The following GDPD5 variants were observed in gnomAD, a reference collection of about 807,000 sequenced individuals.
GDPD5 encodes glycerophosphodiester phosphodiesterase domain containing 5.
In GDPD5, 48 loss-of-function variants were observed where a neutral mutation model predicts 75.1. The observed-to-expected ratio is 0.64, with a 90% CI of 0.51 to 0.81. GDPD5 has a LOEUF of 0.81. GDPD5 is among the 40% of genes least tolerant of loss of function. GDPD5 has a pLI of 0.00. For missense variants in GDPD5, 706 were observed against 822.6 expected (o/e 0.86, Z 1.73); for synonymous variants, 336 against 339.0 (o/e 0.99, Z 0.10).
At chr11:75,441,572 G>T in intron 13 of GDPD5, 74 bp downstream of exon 13, 3 of 1,329,242 alleles carry the variant, frequency 2.3e-6, no homozygotes, top group Non-Finnish European at 3.1e-6. Flanking sequence ...GTGTGTGTTG[G>T]GGGGTGGTGG....
intron 1 of GDPD5, among the ~76,000 whole-genome samples, chr11:75,522,027 T>A (rs1444001741): frequency 6.6e-6 from 1 of 152,090 alleles, no homozygotes. Context: ...GGCCCTCTCC[T>A]ATATGGGCAT....
At chr11:75,444,000 T>G (rs1255212986) in intron 10 of GDPD5, among the ~76,000 whole-genome samples, 2 of 152,180 alleles carry the variant, frequency 1.3e-5, no homozygotes, top group African/African-American at 4.8e-5. Context: ...TGTTATGAGA[T>G]TAGTATGGAT....
intron 1 of GDPD5, among the ~76,000 whole-genome samples, chr11:75,509,698 G>A (rs1950474963): frequency 6.6e-6 from 1 of 152,030 alleles, no homozygotes; most frequent in Admixed American, 6.6e-5. Flanking sequence ...TTTCTTTTTT[G>A]AGATGGAGTC....
At chr11:75,513,908 G>A (rs1321006121) in intron 1 of GDPD5, among the ~76,000 whole-genome samples, 1 of 152,226 alleles carries the variant, frequency 6.6e-6, no homozygotes, top group African/African-American at 2.4e-5. Flanking sequence ...GGTGCCATGG[G>A]AGCTGCCGCA....
chr11:75,495,726 C>T (rs1429831240), intron 1 of GDPD5, among the ~76,000 whole-genome samples: 2 of 152,188 alleles, frequency 1.3e-5, no homozygotes, highest in African/African-American at 2.4e-5. Context: ...GCTTGCTTTA[C>T]AATCTTCGAA....
chr11:75,500,115 C>T (rs1950279617), intron 1 of GDPD5, among the ~76,000 whole-genome samples: 1 of 152,196 alleles, frequency 6.6e-6, no homozygotes, highest in African/African-American at 2.4e-5. Context: ...CTCCAGGCAC[C>T]CTCCCTGCCC....
At chr11:75,439,493 G>C in intron 15 of GDPD5, 1 of 401,638 alleles carries the variant, frequency 2.5e-6, no homozygotes, top group Non-Finnish European at 5.0e-6. Context: ...CTGGGTGGGG[G>C]CCCCAGGCTG....
Position 75,512,281 on chromosome 11 carries a change from G to GGGACACACAC in GDPD5, c.-145+12928_-145+12929insGTGTGTGTCC, listed in dbSNP as rs566304066. ...CTGGTAGAAGCATGAAATTGGGAAGGACACACACACACACACACACACACA... is the reference window on the plus strand; with the variant it reads ...CTGGTAGAAGCATGAAATTGGGAAGGGGACACACACACACACACACACACACACACACACA... On this transcript the variant is annotated intron_variant, in intron 1 of 16. Coordinates refer to ENST00000336898, the MANE Select transcript of GDPD5 (RefSeq NM_030792.8). Among the ~76,000 whole-genome samples, 19 of 123,178 alleles carry GGGACACACAC rather than the reference G, an allele frequency of 1.5e-4. No homozygotes were observed. In the East Asian group the frequency reaches 4.6e-3, roughly 30 times the overall value. 80.8% of individuals were successfully genotyped at this position (123,178 alleles called of 152,430 possible). A position where few individuals can be genotyped will look rare whatever the true frequency, so the allele number is the denominator to read the frequency against.
intron 1 of GDPD5, among the ~76,000 whole-genome samples, chr11:75,506,163 T>C (rs1266664286): frequency 6.6e-6 from 1 of 152,168 alleles, no homozygotes; most frequent in Non-Finnish European, 1.5e-5. Flanking sequence ...CAATAAAAGG[T>C]TGCCATCATC....
At chr11:75,476,870 G>A (rs1949789879) in intron 3 of GDPD5, among the ~76,000 whole-genome samples, 3 of 152,062 alleles carry the variant, frequency 2.0e-5, no homozygotes, top group Non-Finnish European at 4.4e-5. Flanking sequence ...GGCAGCCACC[G>A]CTCCCCATCC....
At position 75,442,356 on chromosome 11, in the gene GDPD5, G is replaced by A. The variant is rs372653666; in HGVS notation, c.1167+7C>T. 6 of 1,546,286 alleles carry A rather than the reference G, an allele frequency of 3.9e-6. No homozygotes were observed. In the African/African-American group the frequency reaches 8.2e-5, roughly 21 times the overall value. On this transcript the variant is annotated splice_region_variant and intron_variant, in intron 12 of 16. Transcript: ENST00000336898. ...CCCGGGGGCAGAGCTGCGTTGCAGGGCCTCACCTGGTGCTGGGGGAAGCCG... is the reference window on the plus strand; with the variant it reads ...CCCGGGGGCAGAGCTGCGTTGCAGGACCTCACCTGGTGCTGGGGGAAGCCG...
chr11:75,509,264 C>A, intron 1 of GDPD5, among the ~76,000 whole-genome samples: 1 of 152,204 alleles, frequency 6.6e-6, no homozygotes, highest in Non-Finnish European at 1.5e-5. Flanking sequence ...GGGGCGGTAT[C>A]TGGTCCCTGG....
chr11:75,449,761 C>A, intron 7 of GDPD5, 124 bp downstream of exon 7: 1 of 1,260,150 alleles, frequency 7.9e-7, no homozygotes, highest in South Asian at 1.3e-5. Context: ...TGGTGTCCTC[C>A]CTAGTTCTGA....
At chr11:75,444,585 G>A (rs949523143) in intron 9 of GDPD5, 90 bp from the exon 10 acceptor site, 1 of 981,886 alleles carries the variant, frequency 1.0e-6, no homozygotes, top group Admixed American at 1.8e-5. Context: ...TGGGAGGCTG[G>A]GCTAGGCCTG....
At chr11:75,521,686 AG>A (rs1565228308) in intron 1 of GDPD5, among the ~76,000 whole-genome samples, 1 of 152,208 alleles carries the variant, frequency 6.6e-6, no homozygotes, top group Admixed American at 6.5e-5. Flanking sequence ...GGGCATGACC[AG>A]AGGGTTGGGT....
At chr11:75,504,548 T>C (rs1427365161) in intron 1 of GDPD5, among the ~76,000 whole-genome samples, 1 of 152,204 alleles carries the variant, frequency 6.6e-6, no homozygotes. Flanking sequence ...GAGGACACTA[T>C]GCTAAGTGAA....
chr11:75,515,224 C>T (rs1950611861), intron 1 of GDPD5, among the ~76,000 whole-genome samples: 2 of 152,236 alleles, frequency 1.3e-5, no homozygotes, highest in South Asian at 2.1e-4. Context: ...CTGTAAAGGG[C>T]TCTGTGTCCT....
At chr11:75,490,921 G>A (rs567285136) in intron 1 of GDPD5, among the ~76,000 whole-genome samples, 1 of 152,314 alleles carries the variant, frequency 6.6e-6, no homozygotes, top group East Asian at 1.9e-4. Flanking sequence ...GGGAAGCAGA[G>A]GGGCCAGGAG....
chr11:75,456,953 G>A, intron 5 of GDPD5, 137 bp from the exon 6 acceptor site: 1 of 785,364 alleles, frequency 1.3e-6, no homozygotes, highest in South Asian at 1.6e-5. Context: ...CCAGGCGATG[G>A]GAATGCGCTG....
Sources: allele counts gnomAD v4.1 joint callset (sites outside exome capture counted in the v4.1 genomes callset), GRCh38; gene constraint gnomAD v4.1.1; transcripts MANE v1.5; gene names NCBI Gene and HGNC (gene_info 2026-07-23, HGNC 2026-07-21).